The following HS6ST3 variants were observed in gnomAD, a reference collection of about 807,000 sequenced individuals.
HS6ST3 encodes heparan-sulfate 6-O-sulfotransferase 3.
Under a neutral mutation model 36.7 loss-of-function variants are expected in HS6ST3, and 12 were observed. That is an observed-to-expected ratio of 0.33 (90% confidence interval 0.21 to 0.53). The LOEUF is 0.53. HS6ST3 is among the 20% of genes least tolerant of loss of function. The pLI, the probability that HS6ST3 is intolerant of heterozygous loss-of-function variation, is 0.95. For synonymous variants in HS6ST3, 240 were observed against 257.5 expected, an observed-to-expected ratio of 0.93 and a Z score of 0.65; for missense variants, 584 against 640.9, an observed-to-expected ratio of 0.91 and a Z score of 0.96.
At chr13:96,793,467 T>C (rs192975118) in intron 1 of HS6ST3, among the ~76,000 whole-genome samples, 127 of 152,160 alleles carry the variant, frequency 8.3e-4, no homozygotes, top group African/African-American at 2.8e-3. Flanking sequence ...TTGATAAATG[T>C]GATGGCAAGC....
At chr13:96,280,339 A>G (rs1356542945) in intron 1 of HS6ST3, among the ~76,000 whole-genome samples, 1 of 151,968 alleles carries the variant, frequency 6.6e-6, no homozygotes, top group African/African-American at 2.4e-5. Context: ...TTTTCTGTCC[A>G]TTAAAAAAAA....
intron 1 of HS6ST3, among the ~76,000 whole-genome samples, chr13:96,572,129 T>A (rs1164481354): frequency 6.6e-6 from 1 of 152,226 alleles, no homozygotes. Flanking sequence ...TAATTTAATT[T>A]CTGCTATTAA....
intron 1 of HS6ST3, among the ~76,000 whole-genome samples, chr13:96,741,381 C>A (rs1435748492): frequency 6.6e-6 from 1 of 152,152 alleles, no homozygotes; most frequent in African/African-American, 2.4e-5. Context: ...CAAATGTAAT[C>A]ATGGTTATTA....
chr13:96,363,520 G>C (rs571907732), intron 1 of HS6ST3, among the ~76,000 whole-genome samples: 2 of 152,292 alleles, frequency 1.3e-5, no homozygotes, highest in Non-Finnish European at 2.9e-5. Context: ...TAATTTCCCA[G>C]TGAAACCCAA....
intron 1 of HS6ST3, among the ~76,000 whole-genome samples, chr13:96,392,184 T>G (rs2055399195): frequency 6.6e-6 from 1 of 152,240 alleles, no homozygotes; most frequent in Non-Finnish European, 1.5e-5. Flanking sequence ...AACAGTTTGC[T>G]TCAGCACATA....
At chr13:96,207,462 G>A (rs2054376378) in intron 1 of HS6ST3, among the ~76,000 whole-genome samples, 1 of 151,946 alleles carries the variant, frequency 6.6e-6, no homozygotes, top group African/African-American at 2.4e-5. Context: ...ATTTGACCCA[G>A]CAATGCCATT....
At position 96,486,611 on chromosome 13, in the gene HS6ST3, G is replaced by T. The variant is rs372751679; in HGVS notation, c.708-345879G>T. ...TGGTTTTGATTTGCATTTCTCTGATGGCCAGTGATGATGAGCAGTTTTTAA... is the reference window on the plus strand; with the variant it reads ...TGGTTTTGATTTGCATTTCTCTGATTGCCAGTGATGATGAGCAGTTTTTAA... On this transcript the variant is annotated intron_variant, in intron 1 of 1. Transcript: ENST00000376705. Among the ~76,000 whole-genome samples the T allele has an allele frequency of 1.7e-4, 26 of 152,262 alleles. No individual in the cohort carries two copies. In the East Asian group the frequency reaches 4.6e-3, roughly 27 times the overall value.
At chr13:96,614,178 G>A (rs1002999643) in intron 1 of HS6ST3, among the ~76,000 whole-genome samples, 16 of 151,444 alleles carry the variant, frequency 1.1e-4, no homozygotes, top group African/African-American at 2.9e-4. Context: ...GGCGCCTGTA[G>A]TCCCAGCTAC....
chr13:96,826,289 T>C (rs944228332), intron 1 of HS6ST3, among the ~76,000 whole-genome samples: 2 of 152,226 alleles, frequency 1.3e-5, no homozygotes, highest in African/African-American at 4.8e-5. Context: ...GCACACATTT[T>C]AGGCATTTTA....
At chr13:96,390,342 G>A (rs1460938534) in intron 1 of HS6ST3, among the ~76,000 whole-genome samples, 1 of 151,992 alleles carries the variant, frequency 6.6e-6, no homozygotes, top group South Asian at 2.1e-4. Context: ...AAATCTAATC[G>A]ACAACGTGAT....
chr13:96,624,486 GT>G (rs1422057262), intron 1 of HS6ST3, among the ~76,000 whole-genome samples: 4 of 152,012 alleles, frequency 2.6e-5, no homozygotes, highest in African/African-American at 7.2e-5. Context: ...ACATTTGCAG[GT>G]TTATCACAAG....
chr13:96,261,258 G>GAATATAT (rs1201623248), intron 1 of HS6ST3, among the ~76,000 whole-genome samples: 1 of 150,054 alleles, frequency 6.7e-6, no homozygotes, highest in Non-Finnish European at 1.5e-5. Flanking sequence ...TTAAAGTCAT[G>GAATATAT]AATATATATA....
chr13:96,425,045 A>G (rs1264438360), intron 1 of HS6ST3, among the ~76,000 whole-genome samples: 1 of 152,192 alleles, frequency 6.6e-6, no homozygotes, highest in African/African-American at 2.4e-5. Context: ...TCTATCTGTC[A>G]GGAGAGGGGT....
intron 1 of HS6ST3, among the ~76,000 whole-genome samples, chr13:96,713,861 G>T (rs905757552): frequency 6.6e-6 from 1 of 151,918 alleles, no homozygotes; most frequent in African/African-American, 2.4e-5. Flanking sequence ...ATAATTACTG[G>T]AGCAGAACAA....
intron 1 of HS6ST3, among the ~76,000 whole-genome samples, chr13:96,810,874 T>C (rs924591262): frequency 6.6e-6 from 1 of 152,242 alleles, no homozygotes. Flanking sequence ...ATTTTTCTTT[T>C]ACTTGTGTTA....
intron 1 of HS6ST3, among the ~76,000 whole-genome samples, chr13:96,439,550 G>A (rs546265864): frequency 6.6e-6 from 1 of 152,296 alleles, no homozygotes; most frequent in Non-Finnish European, 1.5e-5. Flanking sequence ...TTATTTCATG[G>A]CTCTGGCACT....
chr13:96,642,513 T>C (rs968807862), intron 1 of HS6ST3, among the ~76,000 whole-genome samples: 8 of 151,906 alleles, frequency 5.3e-5, no homozygotes, highest in Non-Finnish European at 8.8e-5. Flanking sequence ...ATTTTGGGAC[T>C]CCCAGTATGT....
At chr13:96,460,973 G>C (rs1040624962) in intron 1 of HS6ST3, among the ~76,000 whole-genome samples, 1 of 152,238 alleles carries the variant, frequency 6.6e-6, no homozygotes, top group Non-Finnish European at 1.5e-5. Flanking sequence ...ACAACCCACT[G>C]TAGGCTTTTA....
intron 1 of HS6ST3, among the ~76,000 whole-genome samples, chr13:96,099,217 C>T (rs1319182519): frequency 6.6e-6 from 1 of 152,206 alleles, no homozygotes; most frequent in Non-Finnish European, 1.5e-5. Context: ...GCTGAGATTA[C>T]AGGTGTGAGC....
Sources: gnomAD v4.1 joint callset for allele counts (sites outside exome capture counted in the v4.1 genomes callset) on GRCh38, gnomAD v4.1.1 for gene constraint, MANE v1.5 for transcripts, NCBI Gene and HGNC (gene_info 2026-07-23, HGNC 2026-07-21) for gene names.